Variants in DNAI4 observed in about 807,000 individuals in gnomAD.
The protein encoded by DNAI4 is dynein axonemal intermediate chain 4.
DNAI4 carries 85 observed loss-of-function variants against 105.8 expected under a neutral mutation model. That is an observed-to-expected ratio of 0.80 (90% confidence interval 0.67 to 0.96). The LOEUF (loss-of-function observed/expected upper bound fraction) is 0.96, where lower values mean the gene tolerates loss of function less well. Among genes scored for constraint, DNAI4 ranks in the 40% least tolerant of loss-of-function variants. The pLI, the probability that DNAI4 is intolerant of heterozygous loss-of-function variation, is 0.00. For synonymous variants in DNAI4, 352 were observed against 331.5 expected (o/e 1.06, Z -0.67); for missense variants, 1,014 against 1,005.6 (o/e 1.01, Z -0.11).
intron 8 of DNAI4, among the ~76,000 whole-genome samples, chr1:66,843,689 C>A (rs1051443310): frequency 2.0e-5 from 3 of 152,088 alleles, no homozygotes; most frequent in African/African-American, 7.2e-5. Context: ...GGTCTATGAT[C>A]CATTTGAGTT....
chr1:66,837,483 C>CAT, intron 10 of DNAI4: 1 of 483,262 alleles, frequency 2.1e-6, no homozygotes, highest in South Asian at 4.8e-5. Flanking sequence ...TATATAACAG[C>CAT]ATATAGTACA....
chr1:66,857,342 G>T (rs1174155919), intron 7 of DNAI4, among the ~76,000 whole-genome samples: 5 of 109,684 alleles, frequency 4.6e-5, no homozygotes, highest in African/African-American at 1.4e-4. Flanking sequence ...GTTGTGGGGT[G>T]GGGGGAGGGG....
In DNAI4 at chr1:66,869,490, C is replaced by A. The variant is rs145735045; in HGVS notation, c.940+1880G>T. 5.9e-3 allele frequency among the ~76,000 whole-genome samples: 894 copies of A among 151,934 alleles called. 5 individuals carry two copies. Among genetic ancestry groups the A allele is most frequent in the African/African-American group, 0.021 (851 of 41,404 alleles). ...GAAACCTAAAGTTACATACAGTAAT[C>A]CATTTAAAAATATTTAAACCCTTTA... is the stretch of plus-strand genomic sequence containing the variant. On this transcript the variant is annotated intron_variant, in intron 6 of 16. Transcript: ENST00000371026.
At chr1:66,848,573 T>C (rs182100986) in intron 7 of DNAI4, among the ~76,000 whole-genome samples, 20 of 152,348 alleles carry the variant, frequency 1.3e-4, no homozygotes, top group Admixed American at 2.6e-4. Flanking sequence ...TTTATCTTTA[T>C]AGATAGAGGG....
intron 1 of DNAI4, among the ~76,000 whole-genome samples, chr1:66,915,175 C>T (rs1166717980): frequency 6.6e-6 from 1 of 152,208 alleles, no homozygotes; most frequent in Non-Finnish European, 1.5e-5. Flanking sequence ...ATGAAAATAG[C>T]TCATCTTGAA....
intron 1 of DNAI4, among the ~76,000 whole-genome samples, chr1:66,907,312 T>C (rs1353913590): frequency 2.6e-5 from 4 of 152,214 alleles, no homozygotes; most frequent in African/African-American, 9.6e-5. Flanking sequence ...GACCTTTCCA[T>C]TTCTACCAAA....
chr1:66,847,222 G>T (rs543232949), intron 8 of DNAI4, among the ~76,000 whole-genome samples: 1 of 152,296 alleles, frequency 6.6e-6, no homozygotes, highest in African/African-American at 2.4e-5. Context: ...TCAATCTGGA[G>T]ATTACATTTA....
intron 1 of DNAI4, among the ~76,000 whole-genome samples, chr1:66,912,621 A>C (rs1411529780): frequency 1.3e-5 from 2 of 152,156 alleles, no homozygotes; most frequent in Non-Finnish European, 2.9e-5. Flanking sequence ...GCCTCCCGAC[A>C]ATGTATAAAA....
intron 8 of DNAI4, among the ~76,000 whole-genome samples, chr1:66,842,098 A>G (rs1430404220): frequency 6.6e-6 from 1 of 152,160 alleles, no homozygotes; most frequent in East Asian, 1.9e-4. Flanking sequence ...TGGCCTTTCA[A>G]ATTGGCTTCA....
intron 4 of DNAI4, among the ~76,000 whole-genome samples, chr1:66,886,630 G>T (rs1230412849): frequency 1.3e-5 from 2 of 152,080 alleles, no homozygotes; most frequent in Non-Finnish European, 2.9e-5. Flanking sequence ...ATCCAGTATT[G>T]TTACTCTGGA....
chr1:66,865,204 C>G (rs945378436), intron 6 of DNAI4, among the ~76,000 whole-genome samples: 2 of 152,166 alleles, frequency 1.3e-5, no homozygotes, highest in African/African-American at 2.4e-5. Context: ...AGGCAGATCA[C>G]TTGAGGTCAG....
chr1:66,822,378 C>A lies in DNAI4; in HGVS notation c.2479G>T (p.Val827Phe). ...AGTCTTACCCGGCCAGTTTCCAAAA[C>A]AGTAGGCATATTTCTCAGTTCATAC... is the stretch of plus-strand genomic sequence containing the variant. ...SVYELRNMPT[V>F]LETGRGDIMD... Residue 827 changes from valine to phenylalanine, a missense_variant, in exon 16 of 17, where the codon GTT (valine) becomes TTT (phenylalanine). Physicochemically the swap from Val to Phe is conservative, Grantham distance 50. Coordinates refer to ENST00000371026, the MANE Select transcript of DNAI4 (RefSeq NM_024763.5). 6.2e-7 allele frequency: 1 copy of A among 1,606,802 alleles called. No homozygotes were observed. Among genetic ancestry groups the A allele is most frequent in the Non-Finnish European group, 8.5e-7 (1 of 1,177,766 alleles).
intron 1 of DNAI4, among the ~76,000 whole-genome samples, chr1:66,910,615 G>A (rs1334237964): frequency 2.0e-5 from 3 of 152,198 alleles, no homozygotes; most frequent in Non-Finnish European, 2.9e-5. Context: ...CAGCCCCTGT[G>A]CCTCAGGCCT....
chr1:66,858,296 G>A lies in DNAI4; in HGVS notation c.1096+3851C>T, dbSNP rs541452842. On this transcript the variant is annotated intron_variant, in intron 7 of 16. Coordinates refer to ENST00000371026, the MANE Select transcript of DNAI4 (RefSeq NM_024763.5). ...TGTAATCCCAGCACTTTGGGAGGCC[G>A]AGGCCGGCAGATCTTGAAGTCAGGA... Among the ~76,000 whole-genome samples, 38 of 151,988 alleles carry A rather than the reference G, an allele frequency of 2.5e-4. No homozygotes were observed. The South Asian group carries it at 5.2e-3, about 21-fold the overall frequency.
Position 66,835,761 on chromosome 1 carries a change from T to A in DNAI4, c.1598A>T (p.Tyr533Phe). The A allele has an allele frequency of 6.2e-7, 1 of 1,614,094 alleles. No homozygotes were observed. The highest frequency in any genetic ancestry group is 8.5e-7 in the Non-Finnish European group (1 of 1,179,980). Reference protein sequence around the residue: ...IKNPMWPERIYQSPYGVTAVD... With the variant: ...IKNPMWPERIFQSPYGVTAVD... ...AGCAGTAACTCCATATGGACTCTGA[T>A]AAATACGTTCTGGCCACTAAATTTT... Residue 533 changes from tyrosine to phenylalanine, a missense_variant, in exon 11 of 17, where the codon TAT becomes TTT. Physicochemically the swap from Tyr to Phe is conservative, Grantham distance 22. Transcript: ENST00000371026.
At position 66,862,263 on chromosome 1, in the gene DNAI4, T is replaced by C. The variant is rs776397284; in HGVS notation, c.980A>G (p.Asn327Ser). 9 of 1,610,698 alleles carry C rather than the reference T, an allele frequency of 5.6e-6. No homozygotes were observed. Among genetic ancestry groups the C allele is most frequent in the Admixed American group, 1.7e-5 (1 of 59,234 alleles). ...TGATAAAGATACAAGTTCCATAGCA[T>C]TGTAAGAATCATACAAATCCCAGGC... The part of the protein sequence containing the change: ...STAWDLYDSY[N>S]AMELVSLSVK... The change falls in exon 7 of 17, where the codon AAT becomes AGT. Residue 327 changes from asparagine to serine, a missense_variant. Asn to Ser is a conservative substitution (Grantham distance 46). Transcript: ENST00000371026.
At chr1:66,921,312 T>C (rs1331762233) in intron 1 of DNAI4, 1 of 152,166 alleles carries the variant, frequency 6.6e-6, no homozygotes, top group Non-Finnish European at 1.5e-5. Flanking sequence ...ATTGTAAAGC[T>C]AAAGGCAAGA....
In DNAI4 at chr1:66,890,988, A is replaced by T; in HGVS notation, c.643+166T>A. 4 of 631,334 alleles carry T rather than the reference A, an allele frequency of 6.3e-6. No homozygotes were observed. The South Asian group carries it at 7.4e-5, about 12-fold the overall frequency. 39.1% of individuals were successfully genotyped at this position (631,334 alleles called of 1,614,324 possible). On this transcript the variant is annotated intron_variant, in intron 4 of 16. Coordinates refer to ENST00000371026, the MANE Select transcript of DNAI4 (RefSeq NM_024763.5). The surrounding 1 kb of genome is among the most constrained non-coding windows in gnomAD (Gnocchi z 4.1). ...GATGATTCAAAACAGTCACCCAGGG[A>T]ACTTAAAAAAATAGATATTCCCCTG...
intron 13 of DNAI4, among the ~76,000 whole-genome samples, chr1:66,828,924 C>G (rs1161404288): frequency 6.6e-6 from 1 of 152,132 alleles, no homozygotes; most frequent in Non-Finnish European, 1.5e-5. Flanking sequence ...TATAAGTGGT[C>G]ATTTTTCGCT....
Sources: gnomAD v4.1 joint callset for allele counts (sites outside exome capture counted in the v4.1 genomes callset) on GRCh38, gnomAD v4.1.1 for gene constraint, Gnocchi (gnomAD v3.1) non-coding constraint, MANE v1.5 for transcripts, NCBI Gene and HGNC (gene_info 2026-07-23, HGNC 2026-07-21) for gene names.